Variants in MCM4 observed in about 807,000 individuals in gnomAD.
MCM4 encodes the protein minichromosome maintenance complex component 4, also known as DNA replication licensing factor MCM4.
Under a neutral mutation model 88.7 loss-of-function variants are expected in MCM4, and 60 were observed. That is an observed-to-expected ratio of 0.68 (90% CI 0.55 to 0.84). The LOEUF (loss-of-function observed/expected upper bound fraction) is 0.84, where lower values mean the gene tolerates loss of function less well. MCM4 is among the 40% of genes least tolerant of loss of function. MCM4 has a pLI of 0.00. For missense variants in MCM4, 1,149 were observed against 1,105.5 expected, an observed-to-expected ratio of 1.04 and a Z score of -0.56; for synonymous variants, 465 against 410.5, an observed-to-expected ratio of 1.13 and a Z score of -1.61.
In MCM4 at chr8:47,965,940, A is replaced by T. The variant is rs372932328; in HGVS notation, c.833-247A>T. 5.3e-5 allele frequency among the ~76,000 whole-genome samples: 8 copies of T among 152,234 alleles called. No homozygotes were observed. In the South Asian group the frequency reaches 6.2e-4, roughly 12 times the overall value. The stretch of plus-strand genomic sequence containing the variant: ...CAGGAGGCCAGGTGAGTGAGGCAGG[A>T]GGCAGGGAGCAGGGTAGGCAGACAA... On this transcript the variant is annotated intron_variant, in intron 8 of 16. Coordinates refer to ENST00000649973, the MANE Select transcript of MCM4 (RefSeq NM_182746.3).
Position 47,966,355 on chromosome 8 carries a change from C to A in MCM4, c.1001C>A (p.Thr334Asn). 6.2e-7 allele frequency: 1 copy of A among 1,614,002 alleles called. No individual in the cohort carries two copies. Among genetic ancestry groups the A allele is most frequent in the African/African-American group, 1.3e-5 (1 of 75,066 alleles). The change falls in exon 9 of 17, where the codon ACC becomes AAC. Residue 334 changes from threonine to asparagine, a missense_variant. Physicochemically the swap from Thr to Asn is moderately conservative, Grantham distance 65 (BLOSUM62 0). Around this residue, in one of 3 missense-constraint regions of MCM4, gnomAD observed 906 missense variants for 843.0 expected, o/e 1.07. Transcript: ENST00000649973. ...AGTGTGTGCGGGCGCTGCCACACCA[C>A]CCACAGCATGGCACTCATCCACAAC... ...EPSVCGRCHT[T>N]HSMALIHNRS...
Position 47,962,050 on chromosome 8 carries a change from T to C in MCM4, c.236-3T>C. ...CCAGAATTTCCTAATTTTGTTTTTA[T>C]AGCTATCCCTCTTGACTTTGATGTT... On this transcript the variant is annotated splice_polypyrimidine_tract_variant and splice_region_variant and intron_variant, in intron 3 of 16. Coordinates refer to ENST00000649973, the MANE Select transcript of MCM4 (RefSeq NM_182746.3). 2 of 1,613,694 alleles carry C rather than the reference T, an allele frequency of 1.2e-6. No homozygotes were observed. Among genetic ancestry groups the C allele is most frequent in the African/African-American group, 1.3e-5 (1 of 75,044 alleles).
In MCM4 at chr8:47,975,766, A is replaced by G. The variant is rs373142328; in HGVS notation, c.2417A>G (p.Lys806Arg). Reference protein sequence around the residue: ...KRKEELAEALKKLILSKGKTP... With the variant: ...KRKEELAEALRKLILSKGKTP... ...AAAGAAGAATTAGCTGAAGCATTGA[A>G]AAAGCTTATTTTATCTAAGGGCAAA... The change falls in exon 16 of 17, where the codon AAA becomes AGA. Residue 806 changes from lysine to arginine, a missense_variant. Physicochemically the swap from Lys to Arg is conservative, Grantham distance 26 (BLOSUM62 2). Transcript: ENST00000649973. 1.3e-6 allele frequency: 2 copies of G among 1,587,148 alleles called. No individual in the cohort carries two copies. Among genetic ancestry groups the G allele is most frequent in the South Asian group, 1.2e-5 (1 of 84,264 alleles).
At chr8:47,976,078 C>G (rs1031298512) in intron 16 of MCM4, among the ~76,000 whole-genome samples, 11 of 152,070 alleles carry the variant, frequency 7.2e-5, no homozygotes, top group African/African-American at 2.7e-4. Context: ...AGATCACTTG[C>G]AGCCAGGAGT....
chr8:47,970,371 C>T (rs988319469), intron 11 of MCM4, 140 bp from the exon 12 acceptor site: 24 of 1,106,434 alleles, frequency 2.2e-5, no homozygotes, highest in Non-Finnish European at 2.7e-5. Flanking sequence ...ATATCAAGCA[C>T]TTTCACGAGC....
At position 47,962,199 on chromosome 8, in the gene MCM4, G is replaced by A; in HGVS notation, c.382G>A (p.Asp128Asn). ...LGSAQKGLQV[D>N]LQSDGAAAED... ...CTCTGCACAGAAGGGCCTGCAAGTG[G>A]ATCTGCAGTCTGACGGGGTGAGTAT... The change falls in exon 4 of 17, where the codon GAT becomes AAT. Residue 128 changes from aspartate (D) to asparagine (N), a missense_variant. Physicochemically the swap from Asp to Asn is conservative, Grantham distance 23 (BLOSUM62 1). Around this residue, in one of 3 missense-constraint regions of MCM4, gnomAD observed 906 missense variants for 843.0 expected, o/e 1.07. Transcript: ENST00000649973. 6.2e-7 allele frequency: 1 copy of A among 1,614,198 alleles called. No homozygotes were observed. Among genetic ancestry groups the A allele is most frequent in the Non-Finnish European group, 8.5e-7 (1 of 1,180,026 alleles).
In MCM4 at chr8:47,974,870, T is replaced by C; in HGVS notation, c.2273T>C (p.Val758Ala). 6.2e-7 allele frequency: 1 copy of C among 1,614,264 alleles called. No homozygotes were observed. The change falls in exon 15 of 17, where the codon GTG (valine) becomes GCG (alanine). Residue 758 changes from valine to alanine, a missense_variant. Val to Ala is a moderately conservative substitution (Grantham distance 64). Transcript: ENST00000649973. ...TCTAACAAAGTTGAAGCCATTGATGTGGAAGAGGCCAAACGCCTCCATCGG... is the reference window on the plus strand; with the variant it reads ...TCTAACAAAGTTGAAGCCATTGATGCGGAAGAGGCCAAACGCCTCCATCGG... ...RLSNKVEAID[V>A]EEAKRLHREA...
intron 16 of MCM4, among the ~76,000 whole-genome samples, chr8:47,976,227 A>C (rs2090999227): frequency 6.6e-6 from 1 of 151,192 alleles, no homozygotes; most frequent in South Asian, 2.1e-4. Flanking sequence ...TGGGAGGCGG[A>C]GGTTGCAGTA....
At chr8:47,971,521 T>A (rs1246814142) in intron 13 of MCM4, 53 bp downstream of exon 13, 4 of 1,578,636 alleles carry the variant, frequency 2.5e-6, no homozygotes, top group Non-Finnish European at 2.6e-6. Flanking sequence ...AGGGTGAGAT[T>A]GAAAAGGAGC....
intron 5 of MCM4, 28 bp from the exon 6 acceptor site, chr8:47,962,736 C>A: frequency 7.3e-7 from 1 of 1,371,826 alleles, no homozygotes; most frequent in Non-Finnish European, 1.0e-6. Context: ...ATGCTATATG[C>A]CTAATACAGT....
At position 47,961,597 on chromosome 8, in the gene MCM4, T is replaced by A. The variant is rs1486560672; in HGVS notation, c.152T>A (p.Met51Lys). ...DSTSTGELQP[M>K]PTSPGVDLQS... Reference sequence around the variant, plus strand: ...ACCTCCACGGGGGAGTTGCAGCCGATGCCAACCTCGCCTGGAGTGGACCTG... The same window carrying A: ...ACCTCCACGGGGGAGTTGCAGCCGAAGCCAACCTCGCCTGGAGTGGACCTG... Residue 51 changes from methionine (M) to lysine (K), a missense_variant, in exon 3 of 17, where the codon ATG becomes AAG. Physicochemically the swap from Met to Lys is moderately conservative, Grantham distance 95. Around this residue, in one of 3 missense-constraint regions of MCM4, gnomAD observed 906 missense variants for 843.0 expected, o/e 1.07. Coordinates refer to ENST00000649973, the MANE Select transcript of MCM4 (RefSeq NM_182746.3). 1 of 1,614,062 alleles carries A rather than the reference T, an allele frequency of 6.2e-7. No individual in the cohort carries two copies. Among genetic ancestry groups the A allele is most frequent in the African/African-American group, 1.3e-5 (1 of 74,938 alleles).
At chr8:47,961,447 GA>G in intron 2 of MCM4, 68 bp from the exon 3 acceptor site, 18 of 1,610,968 alleles carry the variant, frequency 1.1e-5, no homozygotes, top group Non-Finnish European at 1.4e-5. Context: ...ATGCCCCAAG[GA>G]AAAGACAAAT....
intron 10 of MCM4, 115 bp downstream of exon 10, chr8:47,967,600 C>G (rs2090912183): frequency 7.3e-7 from 1 of 1,365,936 alleles, no homozygotes; most frequent in African/African-American, 1.4e-5. Flanking sequence ...GTTGTCACTG[C>G]TTGTCTTTGA....
At chr8:47,963,117 A>G (rs1013698350) in intron 7 of MCM4, 77 bp downstream of exon 7, 1 of 870,386 alleles carries the variant, frequency 1.1e-6, no homozygotes, top group Non-Finnish European at 1.8e-6. Context: ...GAAATTCTTC[A>G]GTAATGAAGA....
chr8:47,970,117 A>G, intron 11 of MCM4, 60 bp downstream of exon 11: 1 of 1,563,716 alleles, frequency 6.4e-7, no homozygotes, highest in East Asian at 2.2e-5. Flanking sequence ...CAAATAGTAT[A>G]AACATCCACT....
chr8:47,963,648 G>A (rs577317141), intron 7 of MCM4, among the ~76,000 whole-genome samples: 41 of 152,266 alleles, frequency 2.7e-4, no homozygotes, highest in African/African-American at 8.7e-4. Context: ...TATCTTAAAT[G>A]GAAATACTTT....
chr8:47,970,023 C>T lies in MCM4; in HGVS notation c.1400C>T (p.Ala467Val). 2 of 1,614,098 alleles carry T rather than the reference C, an allele frequency of 1.2e-6. No individual in the cohort carries two copies. Among genetic ancestry groups the T allele is most frequent in the Non-Finnish European group, 8.5e-7 (1 of 1,179,988 alleles). ...DIYERLASAL[A>V]PSIYEHEDIK... ...TATGAGAGGCTTGCTTCAGCCTTGG[C>T]TCCAAGCATTTATGAACATGAAGAT... The change falls in exon 11 of 17, where the codon GCT (alanine) becomes GTT (valine). Residue 467 changes from alanine (A) to valine (V), a missense_variant. By Grantham distance (64) the Ala-to-Val change is moderately conservative. Coordinates refer to ENST00000649973, the MANE Select transcript of MCM4 (RefSeq NM_182746.3).
intron 3 of MCM4, 96 bp downstream of exon 3, chr8:47,961,776 C>T (rs1589826965): frequency 3.5e-6 from 5 of 1,410,876 alleles, no homozygotes; most frequent in Non-Finnish European, 4.8e-6. Context: ...GGCATAACGC[C>T]TAAAGCATCC....
rs2091014913 is a variant in MCM4, at chr8:47,977,906, T to C, written c.*1128T>C. 1 of 152,224 alleles carries C rather than the reference T, an allele frequency of 6.6e-6. No individual in the cohort carries two copies. The highest frequency in any genetic ancestry group is 2.1e-4 in the South Asian group (1 of 4,826). The allele number at this position is 152,224 out of a possible 1,614,324, so 9.4% of individuals were successfully genotyped here. A position where few individuals can be genotyped will look rare whatever the true frequency, so the allele number is the denominator to read the frequency against. ...TACCCTAATACATAAAACTTTTTCC[T>C]AAATAAATGATGGAAGGAATAATAC... is the stretch of plus-strand genomic sequence containing the variant. On this transcript the variant is annotated 3_prime_UTR_variant, in exon 17 of 17. Coordinates refer to ENST00000649973, the MANE Select transcript of MCM4 (RefSeq NM_182746.3).
Sources: allele counts gnomAD v4.1 joint callset (sites outside exome capture counted in the v4.1 genomes callset), GRCh38; gene constraint gnomAD v4.1.1; regional missense constraint gnomAD v4.1.1; transcripts MANE v1.5; gene names NCBI Gene and HGNC (gene_info 2026-07-23, HGNC 2026-07-21).